The following CEP126 variants were observed in gnomAD, a reference collection of about 807,000 sequenced individuals.
The protein encoded by CEP126 is centrosomal protein of 126 kDa.
Under a neutral mutation model 107.8 loss-of-function variants are expected in CEP126, and 74 were observed. The observed-to-expected ratio is 0.69, with a 90% CI of 0.57 to 0.83. The LOEUF (loss-of-function observed/expected upper bound fraction) is 0.83, where lower values mean the gene tolerates loss of function less well. CEP126 is among the 40% of genes least tolerant of loss of function. The pLI is 0.00. For missense variants in CEP126, 1,237 were observed against 1,281.9 expected (o/e 0.96, Z 0.53); for synonymous variants, 449 against 446.0 (o/e 1.01, Z -0.08).
At chr11:101,936,591 C>T (rs1940582621) in intron 2 of CEP126, among the ~76,000 whole-genome samples, 1 of 152,108 alleles carries the variant, frequency 6.6e-6, no homozygotes, top group African/African-American at 2.4e-5. Flanking sequence ...CTAGGACTTC[C>T]AGTGCAAATG....
At chr11:101,994,511 A>G (rs991267734) in intron 10 of CEP126, among the ~76,000 whole-genome samples, 8 of 152,166 alleles carry the variant, frequency 5.3e-5, no homozygotes, top group African/African-American at 1.9e-4. Flanking sequence ...GGTTTCATTT[A>G]AGTCTTTAAT....
chr11:101,915,610 T>A (rs1280499699), intron 1 of CEP126, among the ~76,000 whole-genome samples, 198 bp downstream of exon 1: 1 of 152,134 alleles, frequency 6.6e-6, no homozygotes, highest in Non-Finnish European at 1.5e-5. Flanking sequence ...TGTGGCTGCT[T>A]CCCCCCATCA....
intron 4 of CEP126, among the ~76,000 whole-genome samples, chr11:101,952,594 G>A (rs1266920639): frequency 6.6e-6 from 1 of 152,156 alleles, no homozygotes; most frequent in East Asian, 1.9e-4. Flanking sequence ...TGAGGACTAC[G>A]AGGTTAAGAG....
rs35795661 is a variant in CEP126 at position 101,942,563 on chromosome 11, G to GTT, written c.249-1690_249-1689dup. Among the ~76,000 whole-genome samples the GTT allele has an allele frequency of 3.5e-3, 488 of 140,014 alleles. 1 individual carries two copies. The highest frequency in any genetic ancestry group is 6.8e-3 in the Admixed American group (95 of 13,990). 91.9% of individuals were successfully genotyped at this position (140,014 alleles called of 152,430 possible). On this transcript the variant is annotated intron_variant, in intron 2 of 10. Coordinates refer to ENST00000263468, the MANE Select transcript of CEP126 (RefSeq NM_020802.4). The stretch of plus-strand genomic sequence containing the variant: ...AGGGTGAAACATTCCGTTTGGGGTG[G>GTT]TTTTTTTTTTTTTCAGTATTATTTT...
At chr11:101,935,632 G>C (rs1482873467) in intron 2 of CEP126, among the ~76,000 whole-genome samples, 1 of 151,950 alleles carries the variant, frequency 6.6e-6, no homozygotes, top group Non-Finnish European at 1.5e-5. Context: ...AAAATCAATT[G>C]AGGGTCTACT....
chr11:101,943,429 A>G (rs1289436044), intron 2 of CEP126, among the ~76,000 whole-genome samples: 4 of 151,850 alleles, frequency 2.6e-5, no homozygotes, highest in Middle Eastern at 3.2e-3. Context: ...CTTACCAACC[A>G]TCTCCTAACC....
At position 101,915,369 on chromosome 11, in the gene CEP126, GGC is replaced by G; in HGVS notation, c.86_87del (p.Gly29AlafsTer44). On this transcript the variant is annotated frameshift_variant, in exon 1 of 11. Transcript: ENST00000263468. LOFTEE classifies it high-confidence loss of function. ...GGACAACCTCGACAGAGCCCCCCTC[GGC>G]CCTCGGGAGAGCGGCGGGCATCACC... ...SSDNLDRAPLGPRESGGHHRP... is the reference protein window; with the variant it reads ...SSDNLDRAPLXPRESGGHHRP... The G allele has an allele frequency of 6.2e-7, 1 of 1,613,884 alleles. No individual in the cohort carries two copies. The highest frequency in any genetic ancestry group is 8.5e-7 in the Non-Finnish European group (1 of 1,179,936).
At chr11:101,985,282 GTTTC>G (rs1452388496) in intron 8 of CEP126, among the ~76,000 whole-genome samples, 2 of 149,866 alleles carry the variant, frequency 1.3e-5, no homozygotes, top group South Asian at 2.1e-4. Flanking sequence ...ACATAAATGA[GTTTC>G]TTTTTTTTTT....
At chr11:101,946,167 T>C (rs1252591352) in intron 3 of CEP126, among the ~76,000 whole-genome samples, 2 of 152,128 alleles carry the variant, frequency 1.3e-5, no homozygotes, top group Non-Finnish European at 2.9e-5. Flanking sequence ...GATGGAGTCT[T>C]GCTCTTCTTC....
chr11:101,964,174 G>T (rs759058837), intron 6 of CEP126, among the ~76,000 whole-genome samples: 1 of 151,698 alleles, frequency 6.6e-6, no homozygotes, highest in Admixed American at 6.6e-5. Context: ...ATGGTGGTGC[G>T]TGCCTATAGT....
Position 101,963,619 on chromosome 11 carries a change from T to C in CEP126, c.2584T>C (p.Ser862Pro), listed in dbSNP as rs1941017012. ...GAATCAGGAAAGTAGTTCTCCACTC[T>C]CAAATGCTTGTTCTGACCTAGTCAC... ...QWNQESSSPL[S>P]NACSDLVTVI... Residue 862 changes from serine to proline, a missense_variant, in exon 6 of 11, where the codon TCA (serine) becomes CCA (proline). By Grantham distance (74) the Ser-to-Pro change is moderately conservative. This residue lies in a region of CEP126 where 1,134 missense variants were observed against 1,150.5 expected (regional missense o/e 0.99). Transcript: ENST00000263468. 25 of 1,614,036 alleles carry C rather than the reference T, an allele frequency of 1.5e-5. No homozygotes were observed. Among genetic ancestry groups the C allele is most frequent in the Non-Finnish European group, 2.1e-5 (25 of 1,180,028 alleles).
In CEP126 at chr11:101,963,070, T is replaced by G; in HGVS notation, c.2035T>G (p.Cys679Gly). The change falls in exon 6 of 11, where the codon TGT (cysteine) becomes GGT (glycine). Residue 679 changes from cysteine to glycine, a missense_variant. Physicochemically the swap from Cys to Gly is radical, Grantham distance 159. This residue lies in a region of CEP126 where 1,134 missense variants were observed against 1,150.5 expected (regional missense o/e 0.99). Coordinates refer to ENST00000263468, the MANE Select transcript of CEP126 (RefSeq NM_020802.4). ...AAGCAACATAATTAGTGTTTCTACT[T>G]GTGCTGTAAATTCTGCTGATACAAA... The part of the protein sequence containing the change: ...AGSNIISVST[C>G]AVNSADTKKS... 1.9e-6 allele frequency: 3 copies of G among 1,614,162 alleles called. No homozygotes were observed. Among genetic ancestry groups the G allele is most frequent in the South Asian group, 2.2e-5 (2 of 91,082 alleles).
At chr11:101,927,191 A>T (rs1035205414) in intron 2 of CEP126, among the ~76,000 whole-genome samples, 10 of 152,310 alleles carry the variant, frequency 6.6e-5, no homozygotes, top group Admixed American at 6.5e-4. Context: ...AATCCCAGCT[A>T]TTCAGGAGGC....
At chr11:101,980,369 GAAAC>G (rs1359483590) in intron 7 of CEP126, among the ~76,000 whole-genome samples, 1 of 151,918 alleles carries the variant, frequency 6.6e-6, no homozygotes, top group Non-Finnish European at 1.5e-5. Flanking sequence ...AATAACCAAG[GAAAC>G]AAACAAACAA....
intron 2 of CEP126, among the ~76,000 whole-genome samples, chr11:101,926,258 T>G (rs1165983990): frequency 6.6e-6 from 1 of 152,122 alleles, no homozygotes; most frequent in African/African-American, 2.4e-5. Context: ...ACAAAGTCTC[T>G]CGTATTAGTT....
chr11:101,957,488 A>C (rs1198310401), intron 4 of CEP126, among the ~76,000 whole-genome samples: 1 of 152,224 alleles, frequency 6.6e-6, no homozygotes, highest in Non-Finnish European at 1.5e-5. Context: ...AAATGATGTC[A>C]TGCACTGAAA....
chr11:101,996,398 G>C (rs554674503), intron 10 of CEP126, among the ~76,000 whole-genome samples: 2 of 152,224 alleles, frequency 1.3e-5, no homozygotes, highest in South Asian at 4.2e-4. Context: ...AGTAGAGCAG[G>C]CTACATTTTT....
chr11:101,956,009 A>G (rs1940882319), intron 4 of CEP126: 1 of 456,258 alleles, frequency 2.2e-6, no homozygotes, highest in African/African-American at 2.0e-5. Flanking sequence ...GCCTTACCCA[A>G]TTAAATATCA....
chr11:101,936,638 A>G (rs1013637077), intron 2 of CEP126, among the ~76,000 whole-genome samples: 14 of 152,096 alleles, frequency 9.2e-5, no homozygotes, highest in Non-Finnish European at 1.9e-4. Context: ...TCTTTGCCTT[A>G]TACCTTTTGG....
Sources: gnomAD v4.1 joint callset for allele counts (sites outside exome capture counted in the v4.1 genomes callset) on GRCh38, gnomAD v4.1.1 for gene constraint, gnomAD v4.1.1 regional missense constraint, MANE v1.5 for transcripts, NCBI Gene and HGNC (gene_info 2026-07-23, HGNC 2026-07-21) for gene names.